HERC1: variants seen among roughly 807,000 people sequenced by gnomAD.
The protein encoded by HERC1 is probable E3 ubiquitin-protein ligase HERC1.
HERC1 carries 160 observed loss-of-function variants against 554.3 expected under a neutral mutation model. That is an observed-to-expected ratio of 0.29 (90% CI 0.25 to 0.33). The LOEUF is 0.33. Ranked by LOEUF, HERC1 falls within the 10% of genes least tolerant of loss-of-function variation. HERC1 has a pLI of 1.00. For synonymous variants in HERC1, 2,175 were observed against 2,131.7 expected, an observed-to-expected ratio of 1.02 and a Z score of -0.56; for missense variants, 4,919 against 5,918.5, an observed-to-expected ratio of 0.83 and a Z score of 5.54.
Position 63,626,642 on chromosome 15 carries a change from G to A in HERC1, c.13106-488C>T, listed in dbSNP as rs530079131. Reference sequence around the variant, plus strand: ...TCATGACAGAAACATATAGGTGCATGATTCATGAGGCTTTTACTACAAGAA... The same window carrying A: ...TCATGACAGAAACATATAGGTGCATAATTCATGAGGCTTTTACTACAAGAA... On this transcript the variant is annotated intron_variant, in intron 70 of 77. Coordinates refer to ENST00000443617, the MANE Select transcript of HERC1 (RefSeq NM_003922.4). Among the ~76,000 whole-genome samples, 14 of 152,308 alleles carry A rather than the reference G, an allele frequency of 9.2e-5. No homozygotes were observed. The East Asian group carries it at 2.7e-3, about 29-fold the overall frequency.
chr15:63,810,502 G>C (rs1027711003), intron 1 of HERC1, among the ~76,000 whole-genome samples: 1 of 152,096 alleles, frequency 6.6e-6, no homozygotes, highest in African/African-American at 2.4e-5. Context: ...AGAAACCAAT[G>C]ACAGTTAACT....
At chr15:63,802,784 A>G (rs1030730495) in intron 1 of HERC1, among the ~76,000 whole-genome samples, 11 of 152,280 alleles carry the variant, frequency 7.2e-5, no homozygotes, top group African/African-American at 1.9e-4. Flanking sequence ...TTAAGTTCCT[A>G]TAAGTGAGTT....
chr15:63,650,660 C>T (rs12324588), intron 53 of HERC1, among the ~76,000 whole-genome samples: 1 of 152,042 alleles, frequency 6.6e-6, no homozygotes, highest in Non-Finnish European at 1.5e-5. Context: ...TACAAATGTA[C>T]AAATGTCAAG....
Position 63,680,852 on chromosome 15 carries a change from A to G in HERC1, c.6226-76T>C. ...CTATTAACTGCATTAACCAATACTGAAAATATGTTTATAAATAATACTAAT... is the reference window on the plus strand; with the variant it reads ...CTATTAACTGCATTAACCAATACTGGAAATATGTTTATAAATAATACTAAT... On this transcript the variant is annotated intron_variant, in intron 34 of 77. Coordinates refer to ENST00000443617, the MANE Select transcript of HERC1 (RefSeq NM_003922.4). The surrounding 1 kb of genome is among the most constrained non-coding windows in gnomAD (Gnocchi z 5.8). The G allele has an allele frequency of 1.0e-6, 1 of 955,832 alleles. No individual in the cohort carries two copies. Among genetic ancestry groups the G allele is most frequent in the Admixed American group, 2.1e-5 (1 of 48,742 alleles). The allele number at this position is 955,832 out of a possible 1,614,324, so 59.2% of individuals were successfully genotyped here.
intron 65 of HERC1, 145 bp from the exon 66 acceptor site, chr15:63,635,033 A>T (rs965115534): frequency 7.9e-4 from 378 of 479,646 alleles, no homozygotes; most frequent in Middle Eastern, 1.7e-3. Flanking sequence ...GCTTTTAAAA[A>T]TTTTTTTTTT....
chr15:63,672,594 G>C lies in HERC1; in HGVS notation c.7947C>G (p.Ser2649Arg). The C allele has an allele frequency of 1.2e-6, 2 of 1,612,480 alleles. No homozygotes were observed. The highest frequency in any genetic ancestry group is 2.2e-5 in the East Asian group (1 of 44,848). The change falls in exon 39 of 78, where the codon AGC (serine) becomes AGG (arginine). Residue 2649 changes from serine (S) to arginine (R), a missense_variant. Physicochemically the swap from Ser to Arg is moderately radical, Grantham distance 110 (BLOSUM62 -1). Around this residue, in one of 11 missense-constraint regions of HERC1, gnomAD observed 1,963 missense variants for 2,228.6 expected, o/e 0.88. Coordinates refer to ENST00000443617, the MANE Select transcript of HERC1 (RefSeq NM_003922.4). ...SASSTTSFMS[S>R]SLEDTTTATT... The stretch of plus-strand genomic sequence containing the variant: ...TGGCAGTTGTGGTGTCCTCCAGAGA[G>C]CTGCTCATAAAGGAGGTCGTGCTTG...
In HERC1 at chr15:63,640,338, C is replaced by A; in HGVS notation, c.11715G>T (p.Val3905=). 2 of 1,613,828 alleles carry A rather than the reference C, an allele frequency of 1.2e-6. No homozygotes were observed. The highest frequency in any genetic ancestry group is 1.7e-6 in the Non-Finnish European group (2 of 1,179,794). The part of the protein sequence containing the change: ...HLDQLLCNPP[V]PPHHQNCLPD... The stretch of plus-strand genomic sequence containing the variant: ...GGAGACAGTTCTGGTGGTGTGGTGG[C>A]ACTGGAGGGTTACACAACAGCTGAT... The change falls in exon 61 of 78, where the codon GTG becomes GTT. Residue 3905 remains valine, a synonymous_variant. Transcript: ENST00000443617.
At chr15:63,672,013 A>G (rs1007126360) in intron 39 of HERC1, among the ~76,000 whole-genome samples, 1 of 152,232 alleles carries the variant, frequency 6.6e-6, no homozygotes, top group East Asian at 1.9e-4. Context: ...AGAGTTGGCT[A>G]AAGAAGCATC....
At chr15:63,647,964 G>C in intron 55 of HERC1, 105 bp downstream of exon 55, 1 of 870,410 alleles carries the variant, frequency 1.1e-6, no homozygotes, top group Non-Finnish European at 1.8e-6. Flanking sequence ...TGTCATTTGG[G>C]TGATGGATAT....
chr15:63,746,266 ATTTC>A (rs1240307712), intron 12 of HERC1, among the ~76,000 whole-genome samples: 1 of 151,884 alleles, frequency 6.6e-6, no homozygotes, highest in Non-Finnish European at 1.5e-5. Context: ...TTATCTTGTA[ATTTC>A]TTTCTTTGAT....
rs1166219786 is a variant in HERC1 at position 63,663,017 on chromosome 15, C to T, written c.8868G>A (p.Met2956Ile). 1 of 1,613,984 alleles carries T rather than the reference C, an allele frequency of 6.2e-7. No homozygotes were observed. The highest frequency in any genetic ancestry group is 8.5e-7 in the Non-Finnish European group (1 of 1,179,844). ...GCCAATCCAGTACCTCTGGGATCCACATTCCCAGAATATCATTGTCACTGG... is the reference window on the plus strand; with the variant it reads ...GCCAATCCAGTACCTCTGGGATCCATATTCCCAGAATATCATTGTCACTGG... ...DLTSDNDILG[M>I]WIPEVLDWPT... The change falls in exon 44 of 78, where the codon ATG becomes ATA. Residue 2956 changes from methionine to isoleucine, a missense_variant. This residue lies in a region of HERC1 where 1,963 missense variants were observed against 2,228.6 expected (regional missense o/e 0.88). Coordinates refer to ENST00000443617, the MANE Select transcript of HERC1 (RefSeq NM_003922.4).
intron 25 of HERC1, among the ~76,000 whole-genome samples, chr15:63,699,722 T>C (rs1397031622): frequency 3.3e-5 from 5 of 152,172 alleles, no homozygotes; most frequent in Non-Finnish European, 7.4e-5. Context: ...CTAAATATAA[T>C]ACCATTAGAT....
intron 43 of HERC1, 59 bp from the exon 44 acceptor site, chr15:63,663,263 C>A: frequency 6.8e-7 from 1 of 1,463,914 alleles, no homozygotes; most frequent in East Asian, 2.3e-5. Flanking sequence ...CTGAATATTT[C>A]GCCAGTTCTT....
chr15:63,827,423 TA>T (rs879424249), intron 1 of HERC1, among the ~76,000 whole-genome samples: 317 of 140,412 alleles, frequency 2.3e-3, no homozygotes, highest in Non-Finnish European at 2.4e-3. Flanking sequence ...GACTGTGTCT[TA>T]AAAAAAAAAA....
chr15:63,716,962 A>G (rs1416395627), intron 21 of HERC1, among the ~76,000 whole-genome samples: 1 of 152,234 alleles, frequency 6.6e-6, no homozygotes, highest in African/African-American at 2.4e-5. Flanking sequence ...ACCAAAAATT[A>G]GAAATCTGCT....
chr15:63,736,080 A>T (rs1324000501), intron 12 of HERC1, among the ~76,000 whole-genome samples: 3 of 152,240 alleles, frequency 2.0e-5, no homozygotes, highest in African/African-American at 7.2e-5. Flanking sequence ...AGGAAAAAAC[A>T]GCATCAAAAT....
intron 46 of HERC1, 113 bp from the exon 47 acceptor site, chr15:63,660,049 T>C: frequency 2.3e-6 from 2 of 859,332 alleles, no homozygotes; most frequent in Middle Eastern, 3.3e-4. Flanking sequence ...CCAGATGCGA[T>C]GGCTCACGCC....
At chr15:63,664,927 G>GAA (rs2070542664) in intron 42 of HERC1, among the ~76,000 whole-genome samples, 1 of 152,094 alleles carries the variant, frequency 6.6e-6, no homozygotes, top group South Asian at 2.1e-4. Context: ...TTCTTGCCTA[G>GAA]GAAAAACAGG....
chr15:63,656,056 T>C lies in HERC1; in HGVS notation c.9870+32A>G, dbSNP rs762348880. ...TCAAGAATCAGTCAGAAATAATCAA[T>C]GTAACGGGGAAAAGTACTGAAAGTA... On this transcript the variant is annotated intron_variant, in intron 49 of 77. Coordinates refer to ENST00000443617, the MANE Select transcript of HERC1 (RefSeq NM_003922.4). 11 of 1,605,578 alleles carry C rather than the reference T, an allele frequency of 6.9e-6. No individual in the cohort carries two copies. The East Asian group carries it at 2.2e-4, about 33-fold the overall frequency.
Sources: gnomAD v4.1 joint callset for allele counts (sites outside exome capture counted in the v4.1 genomes callset) on GRCh38, gnomAD v4.1.1 for gene constraint, gnomAD v4.1.1 regional missense constraint, Gnocchi (gnomAD v3.1) non-coding constraint, MANE v1.5 for transcripts, NCBI Gene and HGNC (gene_info 2026-07-23, HGNC 2026-07-21) for gene names.